Variants in ARHGAP44 observed in about 807,000 individuals in gnomAD.
ARHGAP44 encodes Rho GTPase activating protein 44, also known as rho GTPase-activating protein 44.
Under a neutral mutation model 106.8 loss-of-function variants are expected in ARHGAP44, and 43 were observed. The observed-to-expected ratio is 0.40, with a 90% CI of 0.32 to 0.52. ARHGAP44 has a LOEUF of 0.52. Ranked by LOEUF, ARHGAP44 falls within the 20% of genes least tolerant of loss-of-function variation. ARHGAP44 has a pLI of 0.48. For synonymous variants in ARHGAP44, 439 were observed against 410.3 expected (o/e 1.07, Z -0.85); for missense variants, 866 against 1,050.5 (o/e 0.82, Z 2.43).
chr17:12,902,389 A>C (rs965990254), intron 3 of ARHGAP44, among the ~76,000 whole-genome samples: 7 of 152,146 alleles, frequency 4.6e-5, no homozygotes, highest in Admixed American at 1.3e-4. Context: ...TTGACCACCT[A>C]ATGTGTCTGC....
chr17:12,965,526 T>C (rs3785717), intron 16 of ARHGAP44, among the ~76,000 whole-genome samples: 12 of 152,144 alleles, frequency 7.9e-5, no homozygotes, highest in Non-Finnish European at 1.6e-4. Flanking sequence ...GGTTCTAGAA[T>C]AATTCGAACT....
At position 12,874,732 on chromosome 17, in the gene ARHGAP44, T is replaced by TA. The variant is rs34258013; in HGVS notation, c.54-20196dup. ...GGGTAAGAAGAGTGAAACTCTGTCT[T>TA]AAAAAAAAAAAAGGCAGTTGTGCCC... On this transcript the variant is annotated intron_variant, in intron 1 of 20. Transcript: ENST00000379672. Among the ~76,000 whole-genome samples, 517 of 143,972 alleles carry TA rather than the reference T, an allele frequency of 3.6e-3. 11 individuals are homozygous for TA. In the South Asian group the frequency reaches 0.048, roughly 13 times the overall value. The allele number at this position is 143,972 out of a possible 152,430, so 94.5% of individuals were successfully genotyped here. A position where few individuals can be genotyped will look rare whatever the true frequency, so the allele number is the denominator to read the frequency against.
At chr17:12,957,234 A>G (rs2039152644) in intron 15 of ARHGAP44, among the ~76,000 whole-genome samples, 1 of 152,180 alleles carries the variant, frequency 6.6e-6, no homozygotes, top group Non-Finnish European at 1.5e-5. Flanking sequence ...CTGGGATTAC[A>G]GGCGTCAGCC....
chr17:12,888,765 GCT>G (rs1182295524), intron 1 of ARHGAP44, among the ~76,000 whole-genome samples: 2 of 152,082 alleles, frequency 1.3e-5, no homozygotes, highest in Middle Eastern at 3.4e-3. Flanking sequence ...ATATTTTACA[GCT>G]CTGTTTTTTG....
In ARHGAP44 at chr17:12,919,777, A is replaced by C; in HGVS notation, c.410A>C (p.Lys137Thr). The C allele has an allele frequency of 6.2e-7, 1 of 1,613,194 alleles. No homozygotes were observed. Among genetic ancestry groups the C allele is most frequent in the Non-Finnish European group, 8.5e-7 (1 of 1,179,570 alleles). ...CAGGTGGAAATCCCAAATATTCAAA[A>C]GCAGAGGAAACACTTAGCCAAGTTG... ...LAEVEIPNIQ[K>T]QRKHLAKLVL... Residue 137 changes from lysine (K) to threonine (T), a missense_variant, in exon 6 of 21, where the codon AAG (lysine) becomes ACG (threonine). Physicochemically the swap from Lys to Thr is moderately conservative, Grantham distance 78. Around this residue, in one of 2 missense-constraint regions of ARHGAP44, gnomAD observed 448 missense variants for 646.9 expected, o/e 0.69. Coordinates refer to ENST00000379672, the MANE Select transcript of ARHGAP44 (RefSeq NM_014859.6).
intron 16 of ARHGAP44, among the ~76,000 whole-genome samples, chr17:12,965,885 ACT>A (rs1185514858): frequency 6.6e-6 from 1 of 152,016 alleles, no homozygotes; most frequent in Non-Finnish European, 1.5e-5. Flanking sequence ...AGGTGCAGTG[ACT>A]CACACCTGTA....
At chr17:12,978,538 C>T (rs950196709) in intron 18 of ARHGAP44, among the ~76,000 whole-genome samples, 10 of 138,940 alleles carry the variant, frequency 7.2e-5, no homozygotes, top group African/African-American at 2.5e-4. Flanking sequence ...TGGGCTTCCC[C>T]GGCCCAGCTC....
chr17:12,831,309 C>T (rs1301541066), intron 1 of ARHGAP44, among the ~76,000 whole-genome samples: 2 of 152,190 alleles, frequency 1.3e-5, no homozygotes, highest in Non-Finnish European at 2.9e-5. Flanking sequence ...TGTGCTTTCT[C>T]CTGTTATTTT....
chr17:12,973,981 G>A, intron 17 of ARHGAP44, 108 bp from the exon 18 acceptor site: 1 of 1,204,862 alleles, frequency 8.3e-7, no homozygotes, highest in Non-Finnish European at 1.2e-6. Context: ...GGGTGCTAAA[G>A]CTGCGCTGCT....
At chr17:12,829,165 G>T (rs528878667) in intron 1 of ARHGAP44, among the ~76,000 whole-genome samples, 55 of 152,128 alleles carry the variant, frequency 3.6e-4, no homozygotes, top group African/African-American at 1.3e-3. Context: ...GTCTTGGGGG[G>T]TCCAAACTAC....
At chr17:12,884,074 T>C (rs2036814532) in intron 1 of ARHGAP44, among the ~76,000 whole-genome samples, 3 of 152,150 alleles carry the variant, frequency 2.0e-5, no homozygotes, top group African/African-American at 7.2e-5. Flanking sequence ...TCCCTCAAAG[T>C]CTATTAGATT....
At chr17:12,975,098 C>T (rs1045051435) in intron 18 of ARHGAP44, among the ~76,000 whole-genome samples, 6 of 152,222 alleles carry the variant, frequency 3.9e-5, no homozygotes, top group African/African-American at 1.4e-4. Flanking sequence ...GATCCACCCG[C>T]CTCGGCCTCC....
intron 1 of ARHGAP44, among the ~76,000 whole-genome samples, chr17:12,809,083 A>G (rs1176021930): frequency 6.6e-6 from 1 of 152,222 alleles, no homozygotes; most frequent in African/African-American, 2.4e-5. Context: ...TTGCTAAAAC[A>G]CAGCACGAGT....
intron 7 of ARHGAP44, among the ~76,000 whole-genome samples, chr17:12,936,529 C>A (rs903952478): frequency 6.6e-6 from 1 of 152,182 alleles, no homozygotes; most frequent in African/African-American, 2.4e-5. Flanking sequence ...CTTAACAACT[C>A]ATTTCTTTTT....
At chr17:12,931,501 T>C (rs1407294953) in intron 7 of ARHGAP44, among the ~76,000 whole-genome samples, 1 of 151,980 alleles carries the variant, frequency 6.6e-6, no homozygotes, top group African/African-American at 2.4e-5. Context: ...CTTTTTTATT[T>C]ATTTATTTTT....
chr17:12,921,078 A>T (rs1422571015), intron 6 of ARHGAP44, among the ~76,000 whole-genome samples: 1 of 151,848 alleles, frequency 6.6e-6, no homozygotes, highest in African/African-American at 2.4e-5. Context: ...TTATTTATTT[A>T]TTTTTGAGAT....
intron 4 of ARHGAP44, among the ~76,000 whole-genome samples, chr17:12,912,817 GT>G (rs2037779956): frequency 6.6e-6 from 1 of 152,164 alleles, no homozygotes; most frequent in Non-Finnish European, 1.5e-5. Flanking sequence ...TTCTGCCCAA[GT>G]TTCAATCAAC....
chr17:12,844,448 T>G (rs896410504), intron 1 of ARHGAP44, among the ~76,000 whole-genome samples: 1 of 152,204 alleles, frequency 6.6e-6, no homozygotes, highest in South Asian at 2.1e-4. Flanking sequence ...TCACGAGAAC[T>G]CTGCCCTCAT....
chr17:12,799,407 A>G (rs2034020289), intron 1 of ARHGAP44, among the ~76,000 whole-genome samples: 4 of 152,182 alleles, frequency 2.6e-5, no homozygotes, highest in Admixed American at 2.6e-4. Context: ...TAGTCTATCC[A>G]TCTTCCCCTC....
Sources: gnomAD v4.1 joint callset for allele counts (sites outside exome capture counted in the v4.1 genomes callset) on GRCh38, gnomAD v4.1.1 for gene constraint, gnomAD v4.1.1 regional missense constraint, MANE v1.5 for transcripts, NCBI Gene and HGNC (gene_info 2026-07-23, HGNC 2026-07-21) for gene names.